Variants in FRMD4B observed in about 807,000 individuals in gnomAD.
FRMD4B encodes the protein FERM domain containing 4B.
A neutral mutation model predicts 141.5 loss-of-function variants in FRMD4B; 74 were observed. The ratio of observed to expected loss-of-function variants is 0.52; its 90% confidence interval spans 0.43 to 0.63. The LOEUF is 0.63. Among genes scored for constraint, FRMD4B ranks in the 30% least tolerant of loss-of-function variants. The probability of loss-of-function intolerance (pLI) is 0.00; values close to 1 mark genes in which losing one functional copy is unlikely to be tolerated. For missense variants in FRMD4B, 1,366 were observed against 1,253.4 expected, an observed-to-expected ratio of 1.09 and a Z score of -1.36; for synonymous variants, 506 against 467.9, an observed-to-expected ratio of 1.08 and a Z score of -1.05.
rs188050675 is a variant in FRMD4B at position 69,523,081 on chromosome 3, A to C, written c.-129+19125T>G. On this transcript the variant is annotated intron_variant, in intron 1 of 5. Coordinates refer to the FRMD4B transcript ENST00000459638. ...AGAAGTGTTAGTGCATTTAAAAGAA[A>C]ATTTTCTGACCACCTGGAGAGGCCA... is the stretch of plus-strand genomic sequence containing the variant. Among the ~76,000 whole-genome samples, 471 of 152,064 alleles carry C rather than the reference A, an allele frequency of 3.1e-3. 5 individuals are homozygous for C. The highest frequency in any genetic ancestry group is 0.011 in the African/African-American group (444 of 41,482).
At chr3:69,295,869 T>C (rs1701018157) in intron 4 of FRMD4B, among the ~76,000 whole-genome samples, 2 of 152,262 alleles carry the variant, frequency 1.3e-5, no homozygotes, top group South Asian at 4.1e-4. Context: ...CAGGCTGCAG[T>C]GCAATGGCGT....
At chr3:69,459,036 C>G (rs1281467086) in intron 1 of FRMD4B, among the ~76,000 whole-genome samples, 1 of 152,138 alleles carries the variant, frequency 6.6e-6, no homozygotes, top group East Asian at 1.9e-4. Flanking sequence ...TCCTGAGACT[C>G]TGAGTCTGCT....
chr3:69,523,890 C>A (rs1158272014), intron 1 of FRMD4B, among the ~76,000 whole-genome samples: 2 of 152,144 alleles, frequency 1.3e-5, no homozygotes, highest in East Asian at 1.9e-4. Context: ...CATTTACCAC[C>A]CTACCCAGGG....
At chr3:69,183,762 G>A (rs796235892) in intron 19 of FRMD4B, among the ~76,000 whole-genome samples, 34 of 151,986 alleles carry the variant, frequency 2.2e-4, no homozygotes, top group African/African-American at 7.7e-4. Flanking sequence ...GATTACAGGC[G>A]TGAGCCACCG....
Position 69,308,168 on chromosome 3 carries a change from C to T in FRMD4B, c.323+3095G>A, listed in dbSNP as rs1434905734. ...GATGACAGCTCCCTTTTATTGTGGG[C>T]CGGTGCTATATGCTCTGCCTACCTT... On this transcript the variant is annotated intron_variant, in intron 3 of 22. Coordinates refer to ENST00000398540, the MANE Select transcript of FRMD4B (RefSeq NM_015123.3). Among the ~76,000 whole-genome samples, 4 of 152,154 alleles carry T rather than the reference C, an allele frequency of 2.6e-5. No individual in the cohort carries two copies. In the South Asian group the frequency reaches 6.2e-4, roughly 24 times the overall value.
chr3:69,511,895 C>T (rs1706695713), intron 1 of FRMD4B, among the ~76,000 whole-genome samples: 1 of 152,128 alleles, frequency 6.6e-6, no homozygotes, highest in South Asian at 2.1e-4. Context: ...GGACTATATA[C>T]AACTTAGAAG....
intron 5 of FRMD4B, among the ~76,000 whole-genome samples, chr3:69,284,883 G>A (rs1003679775): frequency 3.3e-5 from 5 of 152,140 alleles, no homozygotes; most frequent in South Asian, 2.1e-4. Flanking sequence ...CTCTAAGGCC[G>A]AGCATGGTGG....
intron 1 of FRMD4B, among the ~76,000 whole-genome samples, chr3:69,360,847 G>T (rs1703451632): frequency 6.6e-6 from 1 of 152,132 alleles, no homozygotes; most frequent in Non-Finnish European, 1.5e-5. Context: ...ATTAGCAGCT[G>T]CTAATGCTCA....
At chr3:69,180,823 G>A (rs13084205) in intron 21 of FRMD4B, 76 bp downstream of exon 21, 45 of 1,010,358 alleles carry the variant, frequency 4.5e-5, no homozygotes, top group East Asian at 3.1e-4. Context: ...CTCATGATCC[G>A]TGAGGCGGTT....
chr3:69,472,406 C>T, intron 1 of FRMD4B: 1 of 493,280 alleles, frequency 2.0e-6, no homozygotes, highest in Non-Finnish European at 4.1e-6. Flanking sequence ...GGAAGTGCCT[C>T]TTCACTAATA....
At chr3:69,523,275 G>A (rs577824766) in intron 1 of FRMD4B, among the ~76,000 whole-genome samples, 242 of 152,286 alleles carry the variant, frequency 1.6e-3, no homozygotes, top group African/African-American at 5.4e-3. Flanking sequence ...GACAGAAGTG[G>A]TTAAGTAGTC....
rs191882483 is a variant in FRMD4B at position 69,202,199 on chromosome 3, G to A, written c.877-3425C>T. Among the ~76,000 whole-genome samples, 209 of 151,858 alleles carry A rather than the reference G, an allele frequency of 1.4e-3. 1 individual carries two copies. Among genetic ancestry groups the A allele is most frequent in the Non-Finnish European group, 1.8e-3 (125 of 67,926 alleles). On this transcript the variant is annotated intron_variant, in intron 11 of 22. Transcript: ENST00000398540. ...ACCTTGGCGACAAGAGCGAAAATCC[G>A]TCTCAAAAAAAAGAAAAGTCATGAA...
chr3:69,493,085 G>C (rs980133448), intron 1 of FRMD4B, among the ~76,000 whole-genome samples: 5 of 152,158 alleles, frequency 3.3e-5, no homozygotes, highest in Non-Finnish European at 5.9e-5. Context: ...CTTACAAGCA[G>C]CCAACAATGC....
chr3:69,274,816 G>C (rs2093610705), intron 5 of FRMD4B, among the ~76,000 whole-genome samples: 1 of 152,182 alleles, frequency 6.6e-6, no homozygotes, highest in South Asian at 2.1e-4. Context: ...ACTGCACCCA[G>C]CCTATTTGTT....
chr3:69,389,381 T>A (rs7349519), upstream of FRMD4B, among the ~76,000 whole-genome samples: 100,905 of 152,042 alleles, frequency 0.66, 33,708 homozygotes, highest in Middle Eastern at 0.69. Flanking sequence ...AATGTGTTTT[T>A]AAATTTCAAC....
chr3:69,323,652 A>ATATATG (rs1702091703), intron 1 of FRMD4B, among the ~76,000 whole-genome samples: 2 of 128,792 alleles, frequency 1.6e-5, no homozygotes, highest in African/African-American at 6.2e-5. Context: ...ATATATATAT[A>ATATATG]TGCGTTTTAA....
intron 5 of FRMD4B, among the ~76,000 whole-genome samples, chr3:69,256,534 G>A (rs1293425436): frequency 6.6e-6 from 1 of 152,156 alleles, no homozygotes; most frequent in Non-Finnish European, 1.5e-5. Context: ...TGGCCAGGCT[G>A]GTCTCGAACT....
chr3:69,324,511 G>A (rs1391020176), intron 1 of FRMD4B, among the ~76,000 whole-genome samples: 1 of 152,152 alleles, frequency 6.6e-6, no homozygotes, highest in Admixed American at 6.5e-5. Context: ...ATAGTCCTGG[G>A]CACTATAGGG....
chr3:69,217,165 G>A (rs1388251502), intron 10 of FRMD4B, among the ~76,000 whole-genome samples: 1 of 152,178 alleles, frequency 6.6e-6, no homozygotes, highest in Admixed American at 6.5e-5. Context: ...ATGACAGGAT[G>A]TTTGAATAAT....
Sources: gnomAD v4.1 joint callset for allele counts (sites outside exome capture counted in the v4.1 genomes callset) on GRCh38, gnomAD v4.1.1 for gene constraint, MANE v1.5 for transcripts, NCBI Gene and HGNC (gene_info 2026-07-23, HGNC 2026-07-21) for gene names.